Variants in SMC6 observed in about 807,000 individuals in gnomAD.
SMC6 encodes structural maintenance of chromosomes protein 6.
In SMC6, 79 loss-of-function variants were observed where a neutral mutation model predicts 142.2. The observed-to-expected ratio is 0.56, with a 90% CI of 0.46 to 0.67. SMC6 has a LOEUF of 0.67. Ranked by LOEUF, SMC6 falls within the 30% of genes least tolerant of loss-of-function variation. SMC6 has a pLI of 0.00. For missense variants in SMC6, 1,072 were observed against 1,284.0 expected, an observed-to-expected ratio of 0.83 and a Z score of 2.52; for synonymous variants, 411 against 412.4, an observed-to-expected ratio of 1.00 and a Z score of 0.04.
chr2:17,699,999 T>C (rs923884035), intron 21 of SMC6, among the ~76,000 whole-genome samples: 2 of 152,090 alleles, frequency 1.3e-5, no homozygotes, highest in African/African-American at 4.8e-5. Context: ...AATGGAAATT[T>C]GGTGATTTAT....
intron 24 of SMC6, chr2:17,679,838 A>G (rs1434710574): frequency 6.6e-6 from 1 of 152,296 alleles, no homozygotes; most frequent in East Asian, 1.9e-4. Context: ...GGGGAATGGT[A>G]TTTAGAAAAT....
intron 23 of SMC6, among the ~76,000 whole-genome samples, chr2:17,688,287 G>T (rs1667549498): frequency 6.8e-6 from 1 of 146,694 alleles, no homozygotes; most frequent in African/African-American, 2.5e-5. Flanking sequence ...GAAATATTTT[G>T]TTATGTCACA....
At chr2:17,746,272 C>G (rs1457297983) in intron 2 of SMC6, 1 of 192,436 alleles carries the variant, frequency 5.2e-6, no homozygotes, top group Non-Finnish European at 1.1e-5. Context: ...GTTTGTATTG[C>G]TTTAACATCT....
intron 7 of SMC6, among the ~76,000 whole-genome samples, chr2:17,727,426 G>A (rs565683363): frequency 6.6e-6 from 1 of 152,214 alleles, no homozygotes; most frequent in Non-Finnish European, 1.5e-5. Context: ...GACTTGGACT[G>A]GCTCTCCTTG....
intron 21 of SMC6, among the ~76,000 whole-genome samples, chr2:17,699,911 C>G (rs960005588): frequency 6.6e-6 from 1 of 151,440 alleles, no homozygotes; most frequent in African/African-American, 2.4e-5. Flanking sequence ...TGTACACGTA[C>G]GAGACGTCTC....
At chr2:17,696,621 G>A (rs949107607) in intron 21 of SMC6, among the ~76,000 whole-genome samples, 195 bp from the exon 22 acceptor site, 8 of 152,116 alleles carry the variant, frequency 5.3e-5, no homozygotes, top group African/African-American at 1.7e-4. Context: ...ATTCTTATCT[G>A]AATTCCCCAT....
Position 17,703,289 on chromosome 2 carries a change from G to C in SMC6, c.2010C>G (p.Asp670Glu), listed in dbSNP as rs1396987199. Residue 670 changes from aspartate to glutamate, a missense_variant, in exon 19 of 28, where the codon GAC (aspartate) becomes GAG (glutamate). Around this residue, in one of 3 missense-constraint regions of SMC6, gnomAD observed 994 missense variants for 1,153.2 expected, o/e 0.86. Transcript: ENST00000448223. ...TCTTATTTTCAACCTCATTCTCCAA[G>C]TCACTTGATAGGAAAGGAGAAGATA... ...LSRDVDSEIS[D>E]LENEVENKTA... 4 of 1,598,102 alleles carry C rather than the reference G, an allele frequency of 2.5e-6. No homozygotes were observed. Among genetic ancestry groups the C allele is most frequent in the Non-Finnish European group, 2.6e-6 (3 of 1,174,578 alleles).
rs746597823 is a variant in SMC6, at chr2:17,666,417, T to C, written c.3161+3A>G. On this transcript the variant is annotated splice_donor_region_variant and intron_variant, in intron 27 of 27. Transcript: ENST00000448223. ...ATGTATCTAGAAAGTTTTAAAAAGT[T>C]ACCTCATGCTTTGAGGTGTGAGCAA... The C allele has an allele frequency of 1.9e-6, 3 of 1,607,432 alleles. No homozygotes were observed. The highest frequency in any genetic ancestry group is 1.7e-5 in the Admixed American group (1 of 59,886).
intron 25 of SMC6, among the ~76,000 whole-genome samples, chr2:17,671,885 G>A (rs1045351283): frequency 6.6e-6 from 1 of 151,772 alleles, no homozygotes; most frequent in African/African-American, 2.4e-5. Context: ...ATGCATACAA[G>A]GTGAAAAAAG....
At chr2:17,733,134 G>A (rs1388601569) in intron 5 of SMC6, among the ~76,000 whole-genome samples, 1 of 152,192 alleles carries the variant, frequency 6.6e-6, no homozygotes, top group Non-Finnish European at 1.5e-5. Flanking sequence ...GAACAAACTT[G>A]CTTTTGTGAA....
At position 17,701,828 on chromosome 2, in the gene SMC6, C is replaced by T; in HGVS notation, c.2223+1G>A. The T allele has an allele frequency of 6.5e-7, 1 of 1,536,562 alleles. No homozygotes were observed. The highest frequency in any genetic ancestry group is 8.8e-7 in the Non-Finnish European group (1 of 1,131,514). On this transcript the variant is annotated splice_donor_variant, in intron 20 of 27. Transcript: ENST00000448223. LOFTEE classifies it high-confidence loss of function. The stretch of plus-strand genomic sequence containing the variant: ...ATTTAAATTGAAAAAAAGTATTTTA[C>T]CAAAGTTGCAATATCTACAGACTGG...
chr2:17,727,769 C>T (rs191336155), intron 7 of SMC6, among the ~76,000 whole-genome samples: 1 of 152,138 alleles, frequency 6.6e-6, no homozygotes, highest in Non-Finnish European at 1.5e-5. Flanking sequence ...TGTTCACTGT[C>T]TACAAAATAA....
At chr2:17,712,930 T>C (rs993942503) in intron 16 of SMC6, among the ~76,000 whole-genome samples, 2 of 152,222 alleles carry the variant, frequency 1.3e-5, no homozygotes, top group Admixed American at 1.3e-4. Context: ...AGCTACCTGC[T>C]CCTGAAGCCA....
At chr2:17,666,382 T>A in intron 27 of SMC6, 38 bp downstream of exon 27, 1 of 1,390,916 alleles carries the variant, frequency 7.2e-7, no homozygotes, top group Non-Finnish European at 1.0e-6. Flanking sequence ...CCCCCTTTTA[T>A]ATACTTGATA....
In SMC6 at chr2:17,671,556, C is replaced by G. The variant is rs544226889; in HGVS notation, c.2911-981G>C. 2.9e-3 allele frequency among the ~76,000 whole-genome samples: 400 copies of G among 137,490 alleles called. 1 individual carries two copies. The highest frequency in any genetic ancestry group is 4.7e-3 in the Non-Finnish European group (309 of 66,402). 90.2% of individuals were successfully genotyped at this position (137,490 alleles called of 152,430 possible). On this transcript the variant is annotated intron_variant, in intron 25 of 27. Transcript: ENST00000448223. ...CCTGGGAGACAGAGGTTGCAGTGAG[C>G]CAAGATCATGCCATTGCACTCCAGC...
At chr2:17,721,363 CA>C (rs1669367178) in intron 9 of SMC6, 102 bp from the exon 10 acceptor site, 1 of 1,103,486 alleles carries the variant, frequency 9.1e-7, no homozygotes, top group South Asian at 2.2e-5. Flanking sequence ...ACAAGTACTA[CA>C]TAAATATTCG....
intron 24 of SMC6, chr2:17,682,033 T>C (rs1477115407): frequency 1.3e-5 from 2 of 152,174 alleles, no homozygotes; most frequent in Non-Finnish European, 2.9e-5. Context: ...GATATAAAAA[T>C]AAATCTTACT....
chr2:17,726,965 A>C (rs944190981), intron 7 of SMC6, among the ~76,000 whole-genome samples: 1 of 152,238 alleles, frequency 6.6e-6, no homozygotes, highest in Admixed American at 6.5e-5. Flanking sequence ...ATTTCTAATG[A>C]GAATCATGAC....
Position 17,684,048 on chromosome 2 carries a change from G to C in SMC6, c.2679-285C>G, listed in dbSNP as rs115781468. On this transcript the variant is annotated intron_variant, in intron 23 of 27. Coordinates refer to ENST00000448223, the MANE Select transcript of SMC6 (RefSeq NM_001142286.2). ...GCCCTGGTACGGCCTAGAGGTGGCAGATCTTAGAGAATACTAGCAAATACA... is the reference window on the plus strand; with the variant it reads ...GCCCTGGTACGGCCTAGAGGTGGCACATCTTAGAGAATACTAGCAAATACA... Among the ~76,000 whole-genome samples, 173 of 152,298 alleles carry C rather than the reference G, an allele frequency of 1.1e-3. 1 individual carries two copies. The highest frequency in any genetic ancestry group is 4.0e-3 in the African/African-American group (168 of 41,588).
Sources: allele counts gnomAD v4.1 joint callset (sites outside exome capture counted in the v4.1 genomes callset), GRCh38; gene constraint gnomAD v4.1.1; regional missense constraint gnomAD v4.1.1; transcripts MANE v1.5; gene names NCBI Gene and HGNC (gene_info 2026-07-23, HGNC 2026-07-21).